The following TTC9 variants were observed in gnomAD, a reference collection of about 807,000 sequenced individuals.
The protein encoded by TTC9 is tetratricopeptide repeat domain 9.
In TTC9, 13 loss-of-function variants were observed where a neutral mutation model predicts 22.9. The observed-to-expected ratio is 0.57, with a 90% confidence interval of 0.37 to 0.90. The LOEUF (loss-of-function observed/expected upper bound fraction) is 0.90, where lower values mean the gene tolerates loss of function less well. Among genes scored for constraint, TTC9 ranks in the 40% least tolerant of loss-of-function variants. The pLI is 0.01. For missense variants in TTC9, 280 were observed against 291.8 expected (o/e 0.96, Z 0.29); for synonymous variants, 148 against 133.2 (o/e 1.11, Z -0.77).
In TTC9 at chr14:70,642,074, G is replaced by C. The variant is rs1018279229; in HGVS notation, c.-56G>C. ...CTTTTAAACCCGGGAAGGCGCGGCGGCGGCGGCGGCGGCGGGCAGATCGCG... is the reference window on the plus strand; with the variant it reads ...CTTTTAAACCCGGGAAGGCGCGGCGCCGGCGGCGGCGGCGGGCAGATCGCG... On this transcript the variant is annotated 5_prime_UTR_variant, in exon 1 of 3. Transcript: ENST00000256367. 9 of 1,019,496 alleles carry C rather than the reference G, an allele frequency of 8.8e-6. No individual in the cohort carries two copies. The highest frequency in any genetic ancestry group is 4.7e-4 in the Middle Eastern group (1 of 2,126). The allele number at this position is 1,019,496 out of a possible 1,614,324, so 63.2% of individuals were successfully genotyped here.
Position 70,642,341 on chromosome 14 carries a change from A to G in TTC9, c.212A>G (p.Lys71Arg). Residue 71 changes from lysine (K) to arginine (R), a missense_variant, in exon 1 of 3, where the codon AAG becomes AGG. Coordinates refer to ENST00000256367, the MANE Select transcript of TTC9 (RefSeq NM_015351.2). Reference protein sequence around the residue: ...KSQGAQCYKDKKFREAIGKYH... With the variant: ...KSQGAQCYKDRKFREAIGKYH... ...CAAGGGGCGCAGTGCTACAAGGACA[A>G]GAAATTCCGTGAAGCCATAGGCAAA... The G allele has an allele frequency of 6.3e-7, 1 of 1,599,660 alleles. No homozygotes were observed. The highest frequency in any genetic ancestry group is 8.5e-7 in the Non-Finnish European group (1 of 1,174,074).
Position 70,642,072 on chromosome 14 carries a change from C to T in TTC9, c.-58C>T. The T allele has an allele frequency of 1.0e-6, 1 of 1,003,972 alleles. No homozygotes were observed. Among genetic ancestry groups the T allele is most frequent in the Non-Finnish European group, 1.2e-6 (1 of 839,652 alleles). 62.2% of individuals were successfully genotyped at this position (1,003,972 alleles called of 1,614,324 possible). On this transcript the variant is annotated 5_prime_UTR_variant, in exon 1 of 3. Coordinates refer to ENST00000256367, the MANE Select transcript of TTC9 (RefSeq NM_015351.2). Reference sequence around the variant, plus strand: ...GGCTTTTAAACCCGGGAAGGCGCGGCGGCGGCGGCGGCGGCGGGCAGATCG... The same window carrying T: ...GGCTTTTAAACCCGGGAAGGCGCGGTGGCGGCGGCGGCGGCGGGCAGATCG...
chr14:70,665,523 A>G (rs1262783458), intron 1 of TTC9, among the ~76,000 whole-genome samples: 1 of 152,190 alleles, frequency 6.6e-6, no homozygotes, highest in Non-Finnish European at 1.5e-5. Context: ...AGAAGATTGT[A>G]GTCCTGGGTG....
intron 2 of TTC9, among the ~76,000 whole-genome samples, chr14:70,670,062 G>A (rs1292016934): frequency 1.3e-5 from 2 of 152,098 alleles, no homozygotes; most frequent in East Asian, 3.8e-4. Flanking sequence ...AACTCTTCAA[G>A]CTTAAAAAAA....
At chr14:70,646,895 A>G (rs375258284) in intron 1 of TTC9, among the ~76,000 whole-genome samples, 238 of 152,342 alleles carry the variant, frequency 1.6e-3, no homozygotes, top group African/African-American at 5.5e-3. Context: ...CCATGGGATC[A>G]GAGCCAGCCA....
At chr14:70,642,574 CTT>C (rs1272303611) in intron 1 of TTC9, 39 bp downstream of exon 1, 2 of 1,510,780 alleles carry the variant, frequency 1.3e-6, no homozygotes, top group South Asian at 1.2e-5. Context: ...GGTCCCCGTT[CTT>C]CGGCCCGGTC....
intron 1 of TTC9, among the ~76,000 whole-genome samples, chr14:70,645,979 C>A (rs1341370523): frequency 6.6e-6 from 1 of 152,164 alleles, no homozygotes; most frequent in Non-Finnish European, 1.5e-5. Context: ...CCCTTGTACT[C>A]CACATGGAAG....
Position 70,659,119 on chromosome 14 carries a change from A to AACACACACACATGC in TTC9, c.407-8434_407-8433insTGCACACACACACA. Among the ~76,000 whole-genome samples, 3 of 134,616 alleles carry AACACACACACATGC rather than the reference A, an allele frequency of 2.2e-5. No homozygotes were observed. In the Admixed American group the frequency reaches 2.2e-4, roughly 10 times the overall value. 88.3% of individuals were successfully genotyped at this position (134,616 alleles called of 152,430 possible). On this transcript the variant is annotated intron_variant, in intron 1 of 2. Transcript: ENST00000256367. ...CACACGATAAAACTGTATATAACTAAACACACACACACGCACACACACACA... is the reference window on the plus strand; with the variant it reads ...CACACGATAAAACTGTATATAACTAAACACACACACATGCACACACACACACGCACACACACACA...
chr14:70,670,447 C>T (rs1886277647), intron 2 of TTC9, among the ~76,000 whole-genome samples: 1 of 152,084 alleles, frequency 6.6e-6, no homozygotes, highest in Admixed American at 6.5e-5. Flanking sequence ...CACCTAAAGT[C>T]AGGAGTTTGA....
At chr14:70,653,750 G>A (rs1309766008) in intron 1 of TTC9, among the ~76,000 whole-genome samples, 1 of 152,180 alleles carries the variant, frequency 6.6e-6, no homozygotes, top group Non-Finnish European at 1.5e-5. Context: ...AGAACTTCAG[G>A]CACTCTCACA....
intron 1 of TTC9, among the ~76,000 whole-genome samples, chr14:70,661,058 G>T (rs1228033766): frequency 6.6e-6 from 1 of 152,152 alleles, no homozygotes; most frequent in African/African-American, 2.4e-5. Flanking sequence ...AAACATCAAG[G>T]TGTCGGCAGG....
intron 1 of TTC9, among the ~76,000 whole-genome samples, chr14:70,652,801 C>T (rs1432933881): frequency 6.6e-6 from 1 of 152,220 alleles, no homozygotes; most frequent in Non-Finnish European, 1.5e-5. Flanking sequence ...ATCTGCACCT[C>T]CAGGTTGTGG....
At position 70,671,079 on chromosome 14, in the gene TTC9, C is replaced by T; in HGVS notation, c.593C>T (p.Thr198Ile). Residue 198 changes from threonine (T) to isoleucine (I), a missense_variant, in exon 3 of 3, where the codon ACC (threonine) becomes ATC (isoleucine). By Grantham distance (89) the Thr-to-Ile change is moderately conservative. Around this residue, in one of 5 missense-constraint regions of TTC9, gnomAD observed 39 missense variants for 67.4 expected, o/e 0.58. Transcript: ENST00000256367. The stretch of plus-strand genomic sequence containing the variant: ...AGGTTTATTTCTCTCCTCACAGACA[C>T]CAACGTGATTCGGTATATCCAGCTG... ...KEARTQQPTD[T>I]NVIRYIQLTE... The T allele has an allele frequency of 6.2e-7, 1 of 1,613,524 alleles. No homozygotes were observed. The highest frequency in any genetic ancestry group is 8.5e-7 in the Non-Finnish European group (1 of 1,179,598).
In TTC9 at chr14:70,671,446, G is replaced by T; in HGVS notation, c.*291G>T. ...AGCTGGAGAGGAGTCTCATGGGCTG[G>T]GATGCTGTTGTGGCTTTGACTTTGG... On this transcript the variant is annotated 3_prime_UTR_variant, in exon 3 of 3. Transcript: ENST00000256367. 1 of 333,848 alleles carries T rather than the reference G, an allele frequency of 3.0e-6. No homozygotes were observed. The highest frequency in any genetic ancestry group is 5.7e-6 in the Non-Finnish European group (1 of 174,056). 20.7% of individuals were successfully genotyped at this position (333,848 alleles called of 1,614,324 possible).
intron 1 of TTC9, among the ~76,000 whole-genome samples, chr14:70,656,210 T>TACACAC (rs34334641): frequency 0.013 from 1,909 of 147,998 alleles, 22 homozygotes; most frequent in African/African-American, 0.023. Flanking sequence ...TTCACCCTGA[T>TACACAC]ACACACACAC....
intron 1 of TTC9, among the ~76,000 whole-genome samples, chr14:70,654,197 C>A (rs970252018): frequency 2.6e-5 from 4 of 152,250 alleles, no homozygotes; most frequent in Admixed American, 2.6e-4. Flanking sequence ...GCCTAGGAAA[C>A]CCTTCTGAAT....
chr14:70,660,943 T>C lies in TTC9; in HGVS notation c.407-6621T>C, dbSNP rs149324024. Reference sequence around the variant, plus strand: ...TTCCTGGGCCCATCTCACAAAGCAGTGACTAGCAAGGTATATTAGTTTCCT... The same window carrying C: ...TTCCTGGGCCCATCTCACAAAGCAGCGACTAGCAAGGTATATTAGTTTCCT... On this transcript the variant is annotated intron_variant, in intron 1 of 2. Transcript: ENST00000256367. Among the ~76,000 whole-genome samples, 772 of 152,364 alleles carry C rather than the reference T, an allele frequency of 5.1e-3. 3 individuals are homozygous for C. Among genetic ancestry groups the C allele is most frequent in the Non-Finnish European group, 8.1e-3 (549 of 68,034 alleles).
chr14:70,642,638 T>G (rs1885840594), intron 1 of TTC9, 103 bp downstream of exon 1: 6 of 1,155,206 alleles, frequency 5.2e-6, no homozygotes, highest in Middle Eastern at 4.4e-4. Flanking sequence ...CTGCTGTGAC[T>G]GTGTTGCTCT....
At chr14:70,665,059 CCT>C (rs1886195311) in intron 1 of TTC9, among the ~76,000 whole-genome samples, 2 of 152,290 alleles carry the variant, frequency 1.3e-5, no homozygotes, top group South Asian at 4.1e-4. Context: ...TTCCCCTGCC[CCT>C]GTCACCACCA....
Sources: allele counts gnomAD v4.1 joint callset (sites outside exome capture counted in the v4.1 genomes callset), GRCh38; gene constraint gnomAD v4.1.1; regional missense constraint gnomAD v4.1.1; transcripts MANE v1.5; gene names NCBI Gene and HGNC (gene_info 2026-07-23, HGNC 2026-07-21).